VRK3: variants seen among roughly 807,000 people sequenced by gnomAD.
VRK3 encodes the protein VRK serine/threonine kinase 3, also known as serine/threonine-protein kinase VRK3.
VRK3 carries 50 observed loss-of-function variants against 60.4 expected under a neutral mutation model. The observed-to-expected ratio is 0.83, with a 90% CI of 0.66 to 1.05. VRK3 has a LOEUF of 1.05. Ranked by LOEUF, VRK3 falls within the 50% of genes least tolerant of loss-of-function variation. VRK3 has a pLI of 0.00. For synonymous variants in VRK3, 246 were observed against 227.8 expected (o/e 1.08, Z -0.72); for missense variants, 549 against 585.3 (o/e 0.94, Z 0.64).
chr19:49,983,419 T>C (rs1378592283), intron 12 of VRK3, among the ~76,000 whole-genome samples: 2 of 152,216 alleles, frequency 1.3e-5, no homozygotes, highest in African/African-American at 2.4e-5. Flanking sequence ...CTGTCCCTCC[T>C]GGGCCTGTGC....
chr19:49,991,997 C>T (rs1351285424), intron 10 of VRK3, among the ~76,000 whole-genome samples: 1 of 152,206 alleles, frequency 6.6e-6, no homozygotes, highest in Non-Finnish European at 1.5e-5. Context: ...TAAGGTGTTT[C>T]CCATTTCACT....
At chr19:50,002,539 C>T (rs1017179063) in intron 5 of VRK3, among the ~76,000 whole-genome samples, 1 of 152,104 alleles carries the variant, frequency 6.6e-6, no homozygotes, top group Non-Finnish European at 1.5e-5. Flanking sequence ...ACAATGCGTA[C>T]GTGCCCGGTA....
intron 10 of VRK3, among the ~76,000 whole-genome samples, chr19:49,991,367 G>A (rs1211844665): frequency 6.6e-6 from 1 of 152,164 alleles, no homozygotes; most frequent in East Asian, 1.9e-4. Flanking sequence ...GACTTGAACT[G>A]AAACAACCCC....
intron 2 of VRK3, among the ~76,000 whole-genome samples, chr19:50,019,569 G>A (rs1433295531): frequency 1.3e-5 from 2 of 151,046 alleles, no homozygotes; most frequent in Non-Finnish European, 2.9e-5. Context: ...GAGTGCAATG[G>A]CATGATCATG....
chr19:50,016,742 A>T (rs1221353844), intron 2 of VRK3, among the ~76,000 whole-genome samples: 2 of 152,244 alleles, frequency 1.3e-5, no homozygotes, highest in South Asian at 4.1e-4. Context: ...GATACTTTTT[A>T]AAAGTCCAAA....
At chr19:49,993,555 C>T (rs961892818) in intron 9 of VRK3, among the ~76,000 whole-genome samples, 3 of 152,126 alleles carry the variant, frequency 2.0e-5, no homozygotes, top group African/African-American at 4.8e-5. Flanking sequence ...GGTGCCACCA[C>T]ACCCGGCTAA....
Position 49,989,761 on chromosome 19 carries a change from G to A in VRK3, c.974C>T (p.Ala325Val), listed in dbSNP as rs1389426030. 1.2e-6 allele frequency: 2 copies of A among 1,611,888 alleles called. No homozygotes were observed. Among genetic ancestry groups the A allele is most frequent in the Non-Finnish European group, 8.5e-7 (1 of 1,178,446 alleles). ...ATAGCGGAAGGCGAAGCCATAGCCTGCCAAAGTCACCTGTGGACACAGGGA... is the reference window on the plus strand; with the variant it reads ...ATAGCGGAAGGCGAAGCCATAGCCTACCAAAGTCACCTGTGGACACAGGGA... ...DPEDQSQVTL[A>V]GYGFAFRYCP... Residue 325 changes from alanine to valine, a missense_variant, in exon 11 of 15, where the codon GCA becomes GTA. Physicochemically the swap from Ala to Val is moderately conservative, Grantham distance 64. Transcript: ENST00000316763.
At chr19:50,002,686 A>G (rs915060098) in intron 5 of VRK3, among the ~76,000 whole-genome samples, 2 of 152,134 alleles carry the variant, frequency 1.3e-5, no homozygotes, top group Non-Finnish European at 2.9e-5. Context: ...GGCAATTTTC[A>G]TTGTAGAGGG....
chr19:50,010,506 G>A (rs1443600840), intron 3 of VRK3, among the ~76,000 whole-genome samples: 1 of 152,194 alleles, frequency 6.6e-6, no homozygotes, highest in African/African-American at 2.4e-5. Flanking sequence ...GCAGGGAGTG[G>A]TACCCACATC....
intron 5 of VRK3, 71 bp downstream of exon 5, chr19:50,007,498 G>C: frequency 1.3e-6 from 2 of 1,589,962 alleles, no homozygotes; most frequent in Non-Finnish European, 1.7e-6. Flanking sequence ...CCCATTCTCA[G>C]AACGGGGTCC....
chr19:50,024,095 G>A (rs967706115), intron 1 of VRK3, among the ~76,000 whole-genome samples: 2 of 152,064 alleles, frequency 1.3e-5, no homozygotes, highest in African/African-American at 2.4e-5. Context: ...ATGCCACCAT[G>A]CCCGGCTAAT....
chr19:49,994,875 A>G lies in VRK3; in HGVS notation c.809T>C (p.Leu270Pro), dbSNP rs1331113585. The change falls in exon 9 of 15, where the codon CTG becomes CCG. Residue 270 changes from leucine (L) to proline (P), a missense_variant. Physicochemically the swap from Leu to Pro is moderately conservative, Grantham distance 98 (BLOSUM62 -3). Coordinates refer to ENST00000316763, the MANE Select transcript of VRK3 (RefSeq NM_016440.4). Reference sequence around the variant, plus strand: ...CAGCACATGCTTTGGGCTGACATCCAGGGCCGACTGAAGGCTCCTCCCCAG... The same window carrying G: ...CAGCACATGCTTTGGGCTGACATCCGGGGCCGACTGAAGGCTCCTCCCCAG... ...PSLGRSLQSA[L>P]DVSPKHVLSE... 1 of 1,614,056 alleles carries G rather than the reference A, an allele frequency of 6.2e-7. No homozygotes were observed. The highest frequency in any genetic ancestry group is 2.2e-5 in the East Asian group (1 of 44,902).
intron 1 of VRK3, among the ~76,000 whole-genome samples, chr19:50,024,307 G>A (rs1213160550): frequency 6.6e-6 from 1 of 152,186 alleles, no homozygotes; most frequent in East Asian, 1.9e-4. Context: ...CTCTCCATAA[G>A]TATATGATTT....
At chr19:49,999,136 A>G (rs1390515963) in intron 6 of VRK3, 1 of 152,118 alleles carries the variant, frequency 6.6e-6, no homozygotes, top group Non-Finnish European at 1.5e-5. Context: ...CAAAAATCCA[A>G]AAGAATTAAA....
At chr19:49,999,757 A>G (rs1186731540) in intron 6 of VRK3, 2 of 152,254 alleles carry the variant, frequency 1.3e-5, no homozygotes, top group Non-Finnish European at 2.9e-5. Context: ...GCCTCAGGAA[A>G]TGTTGATGAG....
rs942683232 is a variant in VRK3, at chr19:50,017,745, A to T, written c.-1-1582T>A. Among the ~76,000 whole-genome samples the T allele has an allele frequency of 2.0e-5, 3 of 152,170 alleles. 1 individual carries two copies. Among genetic ancestry groups the T allele is most frequent in the Non-Finnish European group, 4.4e-5 (3 of 68,024 alleles). On this transcript the variant is annotated intron_variant, in intron 2 of 14. Coordinates refer to ENST00000316763, the MANE Select transcript of VRK3 (RefSeq NM_016440.4). ...GAATGCAGTGGCATAATCATGGCTC[A>T]CTGCAGCCTCAAACTCCTGGGCTCA...
At chr19:50,003,707 A>AT (rs1333942298) in intron 5 of VRK3, among the ~76,000 whole-genome samples, 15 of 152,258 alleles carry the variant, frequency 9.9e-5, no homozygotes, top group Admixed American at 2.0e-4. Flanking sequence ...AAATTACGGG[A>AT]CATACAACTC....
intron 13 of VRK3, among the ~76,000 whole-genome samples, chr19:49,980,246 A>G (rs2076400151): frequency 6.6e-6 from 1 of 152,074 alleles, no homozygotes; most frequent in African/African-American, 2.4e-5. Flanking sequence ...GACAGTGCAA[A>G]TACCCAGTAA....
intron 5 of VRK3, 121 bp from the exon 6 acceptor site, chr19:50,000,975 A>G (rs2076795098): frequency 2.4e-6 from 2 of 849,008 alleles, no homozygotes; most frequent in Non-Finnish European, 3.6e-6. Context: ...GGTCAAGCGC[A>G]CTCTTGGCTC....
Sources: allele counts gnomAD v4.1 joint callset (sites outside exome capture counted in the v4.1 genomes callset), GRCh38; gene constraint gnomAD v4.1.1; transcripts MANE v1.5; gene names NCBI Gene and HGNC (gene_info 2026-07-23, HGNC 2026-07-21).